MUC7: variants seen among roughly 807,000 people sequenced by gnomAD.
The protein encoded by MUC7 is mucin-7.
MUC7 carries 2 observed loss-of-function variants against 2.5 expected under a neutral mutation model. The observed-to-expected ratio is 0.81, with a 90% CI of 0.33 to 2.55. MUC7 has a LOEUF of 2.55. MUC7 is among the 30% of genes most tolerant of loss of function. The pLI, the probability that MUC7 is intolerant of heterozygous loss-of-function variation, is 0.11. For synonymous variants in MUC7, 133 were observed against 173.4 expected (o/e 0.77, Z 1.83); for missense variants, 408 against 455.6 (o/e 0.90, Z 0.95).
chr4:70,475,996 T>A (rs1270457364), intron 2 of MUC7, among the ~76,000 whole-genome samples: 1 of 152,206 alleles, frequency 6.6e-6, no homozygotes, highest in East Asian at 1.9e-4. Context: ...AGATGTGGGC[T>A]TAAACTCATC....
intron 1 of MUC7, among the ~76,000 whole-genome samples, chr4:70,443,703 A>G (rs1477311035): frequency 6.6e-6 from 1 of 152,186 alleles, no homozygotes; most frequent in Non-Finnish European, 1.5e-5. Context: ...TGACTAAAAT[A>G]AAACAACCTA....
At chr4:70,436,603 T>C (rs1733842303) in intron 1 of MUC7, among the ~76,000 whole-genome samples, 1 of 152,226 alleles carries the variant, frequency 6.6e-6, no homozygotes, top group Admixed American at 6.5e-5. Context: ...CGTCTAACCT[T>C]TTTTCAATGT....
chr4:70,451,274 T>C (rs1239913801), intron 1 of MUC7, among the ~76,000 whole-genome samples: 1 of 152,226 alleles, frequency 6.6e-6, no homozygotes, highest in Non-Finnish European at 1.5e-5. Flanking sequence ...TCTCCCTCCG[T>C]TGGTGCCCAG....
rs78389996 is a variant in MUC7 at position 70,438,342 on chromosome 4, C to T, written c.-93+7655C>T. Among the ~76,000 whole-genome samples the T allele has an allele frequency of 2.0e-5, 3 of 152,248 alleles. No homozygotes were observed. The East Asian group carries it at 5.8e-4, about 29-fold the overall frequency. On this transcript the variant is annotated intron_variant, in intron 1 of 3. Transcript: ENST00000413702. ...AATAATAACTATCATAAAGAAAGCTCAAATTCTTAAAGACTGTTGATGTTT... is the reference window on the plus strand; with the variant it reads ...AATAATAACTATCATAAAGAAAGCTTAAATTCTTAAAGACTGTTGATGTTT...
intron 1 of MUC7, among the ~76,000 whole-genome samples, chr4:70,465,548 C>G (rs1222138164): frequency 6.6e-6 from 1 of 152,024 alleles, no homozygotes; most frequent in African/African-American, 2.4e-5. Flanking sequence ...TTAGAGAAGA[C>G]CATAATGACC....
At chr4:70,473,137 T>C (rs1231015661) in intron 1 of MUC7, among the ~76,000 whole-genome samples, 1 of 152,070 alleles carries the variant, frequency 6.6e-6, no homozygotes, top group East Asian at 1.9e-4. Context: ...ATTTTGGGAC[T>C]TAGAAAAAGG....
At chr4:70,453,240 T>G (rs527706776) in intron 1 of MUC7, among the ~76,000 whole-genome samples, 30 of 152,304 alleles carry the variant, frequency 2.0e-4, no homozygotes, top group African/African-American at 7.0e-4. Context: ...AGGCCCCAGG[T>G]GGGTCCAGAG....
In MUC7 at chr4:70,481,962, C is replaced by G; in HGVS notation, c.*84C>G. The G allele has an allele frequency of 1.4e-6, 2 of 1,432,868 alleles. No individual in the cohort carries two copies. Among genetic ancestry groups the G allele is most frequent in the Non-Finnish European group, 1.9e-6 (2 of 1,059,124 alleles). 88.8% of individuals were successfully genotyped at this position (1,432,868 alleles called of 1,614,324 possible). A position where few individuals can be genotyped will look rare whatever the true frequency, so the allele number is the denominator to read the frequency against. On this transcript the variant is annotated 3_prime_UTR_variant, in exon 3 of 3. Transcript: ENST00000304887. ...CTACCACCTTTCTTTTAGCACCAAT[C>G]CCAACATGAAATTATATTACTCAGA...
upstream of MUC7, among the ~76,000 whole-genome samples, chr4:70,471,330 A>G (rs4629524): frequency 0.18 from 28,127 of 152,158 alleles, 2,971 homozygotes; most frequent in African/African-American, 0.27. Context: ...TAGAGACATA[A>G]CAAGTCACTG....
chr4:70,435,196 G>T (rs902107856), intron 1 of MUC7, among the ~76,000 whole-genome samples: 1 of 152,172 alleles, frequency 6.6e-6, no homozygotes, highest in Non-Finnish European at 1.5e-5. Context: ...GACTTGGGGT[G>T]GAGAATTCTG....
chr4:70,442,179 A>G (rs1447500639), intron 1 of MUC7, among the ~76,000 whole-genome samples: 1 of 152,250 alleles, frequency 6.6e-6, no homozygotes, highest in Non-Finnish European at 1.5e-5. Context: ...CAAAAATGCT[A>G]TCATACTTTG....
rs1036048259 is a variant in MUC7, at chr4:70,481,618, C to A, written c.874C>A (p.Pro292Thr). 1 of 1,612,908 alleles carries A rather than the reference C, an allele frequency of 6.2e-7. No homozygotes were observed. The highest frequency in any genetic ancestry group is 8.5e-7 in the Non-Finnish European group (1 of 1,179,722). Residue 292 changes from proline (P) to threonine (T), a missense_variant, in exon 3 of 3, where the codon CCA becomes ACA. Transcript: ENST00000304887. ...AAPPTPSATT[P>T]APPSSPAPQE... ...CCCACCCACACCTTCTGCAACTACACCAGCTCCACCGTCTTCCCCAGCTCC... is the reference window on the plus strand; with the variant it reads ...CCCACCCACACCTTCTGCAACTACAACAGCTCCACCGTCTTCCCCAGCTCC...
chr4:70,436,588 C>T (rs1357869365), intron 1 of MUC7, among the ~76,000 whole-genome samples: 2 of 152,180 alleles, frequency 1.3e-5, no homozygotes, highest in Non-Finnish European at 2.9e-5. Context: ...TTCTAGTTAG[C>T]CATTCGTCTA....
At chr4:70,472,910 T>C (rs1257950007) in intron 1 of MUC7, among the ~76,000 whole-genome samples, 1 of 152,256 alleles carries the variant, frequency 6.6e-6, no homozygotes, top group Non-Finnish European at 1.5e-5. Context: ...AACCTTTATT[T>C]TGTTTTCTAA....
chr4:70,458,965 A>G (rs572839777), intron 1 of MUC7, among the ~76,000 whole-genome samples: 5 of 152,330 alleles, frequency 3.3e-5, no homozygotes, highest in Admixed American at 3.3e-4. Context: ...GATAAAAGTT[A>G]TAGTCTATCT....
At chr4:70,480,116 G>A (rs1436621227) in intron 2 of MUC7, among the ~76,000 whole-genome samples, 1 of 152,140 alleles carries the variant, frequency 6.6e-6, no homozygotes, top group East Asian at 1.9e-4. Context: ...GCTCTATCCA[G>A]ACAAAATGCA....
chr4:70,449,848 G>A (rs1734237484), intron 1 of MUC7, among the ~76,000 whole-genome samples: 1 of 152,202 alleles, frequency 6.6e-6, no homozygotes, highest in Non-Finnish European at 1.5e-5. Context: ...GGGATGGAGT[G>A]ACACAAGCAC....
chr4:70,457,996 T>A (rs1734452238), intron 1 of MUC7, among the ~76,000 whole-genome samples: 1 of 152,082 alleles, frequency 6.6e-6, no homozygotes, highest in African/African-American at 2.4e-5. Flanking sequence ...TATAATGCTG[T>A]TATTCTTTGA....
rs1244750470 is a variant in MUC7 at position 70,463,875 on chromosome 4, A to G, written c.-92-8340A>G. Among the ~76,000 whole-genome samples, 59 of 152,194 alleles carry G rather than the reference A, an allele frequency of 3.9e-4. 1 individual carries two copies. The highest frequency in any genetic ancestry group is 1.5e-5 in the Non-Finnish European group (1 of 68,034). On this transcript the variant is annotated intron_variant, in intron 1 of 3. Transcript: ENST00000413702. The stretch of plus-strand genomic sequence containing the variant: ...CTTGATCTTGGACTTCTCAAACTCC[A>G]TAACTGAGATGACTGTTCTATGCAA...
Sources: allele counts gnomAD v4.1 joint callset (sites outside exome capture counted in the v4.1 genomes callset), GRCh38; gene constraint gnomAD v4.1.1; transcripts MANE v1.5; gene names NCBI Gene and HGNC (gene_info 2026-07-23, HGNC 2026-07-21).